GABRG3: variants seen among roughly 807,000 people sequenced by gnomAD.
GABRG3 encodes gamma-aminobutyric acid receptor subunit gamma-3.
In GABRG3, 25 loss-of-function variants were observed where a neutral mutation model predicts 48.8. That is an observed-to-expected ratio of 0.51 (90% confidence interval 0.37 to 0.72). The LOEUF (loss-of-function observed/expected upper bound fraction) is 0.72. Ranked by LOEUF, GABRG3 falls within the 30% of genes least tolerant of loss-of-function variation. The probability of loss-of-function intolerance (pLI) is 0.00; values close to 1 mark genes in which losing one functional copy is unlikely to be tolerated. For synonymous variants in GABRG3, 227 were observed against 217.6 expected (o/e 1.04, Z -0.38); for missense variants, 394 against 577.9 (o/e 0.68, Z 3.26).
chr15:27,360,769 AG>A (rs1239361614), intron 5 of GABRG3, among the ~76,000 whole-genome samples: 1 of 152,214 alleles, frequency 6.6e-6, no homozygotes, highest in Non-Finnish European at 1.5e-5. Flanking sequence ...GGGAAGCTCA[AG>A]GGTTCCCACA....
At chr15:27,355,996 G>A (rs558160173) in intron 5 of GABRG3, among the ~76,000 whole-genome samples, 1 of 152,204 alleles carries the variant, frequency 6.6e-6, no homozygotes, top group Admixed American at 6.5e-5. Context: ...GCACAGATAG[G>A]GTTGTTTTTT....
chr15:27,159,431 G>A (rs1364057281), intron 3 of GABRG3, among the ~76,000 whole-genome samples: 3 of 151,744 alleles, frequency 2.0e-5, no homozygotes, highest in South Asian at 2.1e-4. Flanking sequence ...GCAGTGATCC[G>A]AGATTGCGCC....
At chr15:27,050,828 T>C (rs1266314030) in intron 3 of GABRG3, among the ~76,000 whole-genome samples, 1 of 152,200 alleles carries the variant, frequency 6.6e-6, no homozygotes, top group Non-Finnish European at 1.5e-5. Flanking sequence ...CTGATTACTA[T>C]ATATTAAGCA....
rs1172489776 is a variant in GABRG3 at position 27,352,097 on chromosome 15, ATGTGTGTATGTATGGTG to A, written c.574+23224_574+23240del. Among the ~76,000 whole-genome samples the A allele has an allele frequency of 8.0e-6, 1 of 125,438 alleles. No homozygotes were observed. The highest frequency in any genetic ancestry group is 1.7e-5 in the Non-Finnish European group (1 of 58,382). 82.3% of individuals were successfully genotyped at this position (125,438 alleles called of 152,430 possible). A position where few individuals can be genotyped will look rare whatever the true frequency, so the allele number is the denominator to read the frequency against. Reference sequence around the variant, plus strand: ...TGTGTATGGTGCATGTGTGTGTATGATGTGTGTATGTATGGTGTGTGTGTATGTATGATGTGTGTATT... The same window carrying A: ...TGTGTATGGTGCATGTGTGTGTATGATGTGTGTATGTATGATGTGTGTATT... On this transcript the variant is annotated intron_variant, in intron 5 of 9. Coordinates refer to ENST00000615808, the MANE Select transcript of GABRG3 (RefSeq NM_033223.5). This position sits in a 1 kb window ranked among gnomAD's most constrained non-coding sequence, Gnocchi z 4.0.
chr15:27,129,261 C>G (rs1897874431), intron 3 of GABRG3, among the ~76,000 whole-genome samples: 1 of 152,152 alleles, frequency 6.6e-6, no homozygotes, highest in African/African-American at 2.4e-5. Context: ...CTTTCTGTCT[C>G]TATGAATCTG....
chr15:27,260,518 G>A (rs1046945932), intron 3 of GABRG3, among the ~76,000 whole-genome samples: 1 of 152,092 alleles, frequency 6.6e-6, no homozygotes, highest in African/African-American at 2.4e-5. Context: ...TGCATTCCAA[G>A]GATTCAACCA....
chr15:27,344,465 T>G (rs1346730141), intron 5 of GABRG3, among the ~76,000 whole-genome samples: 1 of 152,238 alleles, frequency 6.6e-6, no homozygotes, highest in Non-Finnish European at 1.5e-5. Flanking sequence ...AAAGTCTCGT[T>G]GCAGTGAAAA....
chr15:27,005,035 G>A (rs989095059), intron 2 of GABRG3, among the ~76,000 whole-genome samples: 3 of 152,158 alleles, frequency 2.0e-5, no homozygotes, highest in African/African-American at 7.2e-5. Context: ...GTCATGCAAA[G>A]ATAGCATTTT....
chr15:27,345,569 G>A (rs990175079), intron 5 of GABRG3, among the ~76,000 whole-genome samples: 4 of 152,068 alleles, frequency 2.6e-5, no homozygotes, highest in Non-Finnish European at 5.9e-5. Context: ...ACTTTACAAA[G>A]TTATCCTTTA....
intron 3 of GABRG3, among the ~76,000 whole-genome samples, chr15:27,249,062 C>T (rs1315200786): frequency 6.6e-6 from 1 of 152,186 alleles, no homozygotes; most frequent in Non-Finnish European, 1.5e-5. Flanking sequence ...GTCGGAATAA[C>T]TAGCGACAAT....
intron 3 of GABRG3, among the ~76,000 whole-genome samples, chr15:27,255,599 T>C (rs909527571): frequency 2.0e-5 from 3 of 152,232 alleles, no homozygotes; most frequent in Non-Finnish European, 4.4e-5. Flanking sequence ...TTTCCTTTTT[T>C]TTTGGAAATG....
chr15:27,432,645 G>A (rs946602341), intron 5 of GABRG3, among the ~76,000 whole-genome samples: 2 of 152,132 alleles, frequency 1.3e-5, no homozygotes, highest in African/African-American at 4.8e-5. Context: ...TTTTCTGACT[G>A]AATTTCCTAA....
chr15:27,340,029 C>A (rs1434603382), intron 5 of GABRG3, among the ~76,000 whole-genome samples: 1 of 152,134 alleles, frequency 6.6e-6, no homozygotes, highest in African/African-American at 2.4e-5. Context: ...TTCCATCACA[C>A]AGCAGCTAGC....
intron 5 of GABRG3, among the ~76,000 whole-genome samples, chr15:27,464,511 ACT>A (rs1889544042): frequency 6.6e-6 from 1 of 152,128 alleles, no homozygotes; most frequent in African/African-American, 2.4e-5. Flanking sequence ...TCCTACGGTA[ACT>A]CTGCATTTAA....
At chr15:27,359,663 G>T (rs1468724006) in intron 5 of GABRG3, among the ~76,000 whole-genome samples, 1 of 152,202 alleles carries the variant, frequency 6.6e-6, no homozygotes, top group Non-Finnish European at 1.5e-5. Context: ...GGCATACTCA[G>T]TGTACGCATT....
At chr15:27,103,429 A>G (rs1056089406) in intron 3 of GABRG3, among the ~76,000 whole-genome samples, 2 of 152,128 alleles carry the variant, frequency 1.3e-5, no homozygotes, top group Admixed American at 1.3e-4. Context: ...CAGCAGGTCC[A>G]TCCAGGGTCC....
intron 3 of GABRG3, among the ~76,000 whole-genome samples, chr15:27,097,735 G>A (rs1311005045): frequency 1.3e-5 from 2 of 152,082 alleles, no homozygotes; most frequent in Non-Finnish European, 2.9e-5. Context: ...CAGTGAGCGG[G>A]TCAAGGCCAA....
intron 5 of GABRG3, among the ~76,000 whole-genome samples, chr15:27,456,099 G>A (rs1164732409): frequency 6.6e-6 from 1 of 152,096 alleles, no homozygotes; most frequent in Non-Finnish European, 1.5e-5. Flanking sequence ...CACTGCTTCT[G>A]GTCCTGCAGG....
intron 3 of GABRG3, among the ~76,000 whole-genome samples, chr15:27,132,033 C>T (rs1373519626): frequency 6.6e-6 from 1 of 151,956 alleles, no homozygotes; most frequent in Non-Finnish European, 1.5e-5. Flanking sequence ...TGGATATTAA[C>T]CCCTTGTCAG....
Sources: allele counts gnomAD v4.1 joint callset (sites outside exome capture counted in the v4.1 genomes callset), GRCh38; gene constraint gnomAD v4.1.1; non-coding constraint Gnocchi (gnomAD v3.1); transcripts MANE v1.5; gene names NCBI Gene and HGNC (gene_info 2026-07-23, HGNC 2026-07-21).